Variants in CCDC175 observed in about 807,000 individuals in gnomAD.
CCDC175 encodes the protein coiled-coil domain containing 175.
Under a neutral mutation model 114.6 loss-of-function variants are expected in CCDC175, and 100 were observed. The ratio of observed to expected loss-of-function variants is 0.87; its 90% CI spans 0.74 to 1.03. CCDC175 has a LOEUF of 1.03. Ranked by LOEUF, CCDC175 falls within the 50% of genes least tolerant of loss-of-function variation. The pLI is 0.00. For synonymous variants in CCDC175, 306 were observed against 308.7 expected, an observed-to-expected ratio of 0.99 and a Z score of 0.09; for missense variants, 880 against 917.8, an observed-to-expected ratio of 0.96 and a Z score of 0.53.
chr14:59,552,302 C>A (rs1255469812), intron 7 of CCDC175, among the ~76,000 whole-genome samples: 1 of 152,248 alleles, frequency 6.6e-6, no homozygotes, highest in Non-Finnish European at 1.5e-5. Context: ...GCAACATTTG[C>A]TGTTCAGCAA....
intron 19 of CCDC175, among the ~76,000 whole-genome samples, chr14:59,506,971 T>C (rs1892453970): frequency 6.6e-6 from 1 of 152,102 alleles, no homozygotes; most frequent in South Asian, 2.1e-4. Flanking sequence ...TCAAGGACTT[T>C]TGTAATTTTA....
chr14:59,566,981 G>A (rs540029573), intron 4 of CCDC175, among the ~76,000 whole-genome samples: 45 of 152,234 alleles, frequency 3.0e-4, no homozygotes, highest in Non-Finnish European at 5.9e-4. Flanking sequence ...TATCCCCACC[G>A]CACTCCTCCC....
At chr14:59,534,907 A>G (rs889192144) in intron 13 of CCDC175, among the ~76,000 whole-genome samples, 18 of 152,162 alleles carry the variant, frequency 1.2e-4, no homozygotes, top group Non-Finnish European at 4.4e-5. Flanking sequence ...CAGAGACCCA[A>G]ATGGTAGTGG....
intron 13 of CCDC175, among the ~76,000 whole-genome samples, chr14:59,535,231 A>G (rs1221409108): frequency 6.6e-6 from 1 of 152,186 alleles, no homozygotes; most frequent in African/African-American, 2.4e-5. Flanking sequence ...ATGGGTGGAC[A>G]CAGTCCTGCA....
chr14:59,517,509 A>T (rs924885725), intron 17 of CCDC175, among the ~76,000 whole-genome samples: 5 of 152,226 alleles, frequency 3.3e-5, no homozygotes, highest in African/African-American at 9.6e-5. Flanking sequence ...AATCACAAGC[A>T]TTCTTATACA....
intron 19 of CCDC175, among the ~76,000 whole-genome samples, chr14:59,506,942 A>G (rs1594965772): frequency 7.5e-6 from 1 of 132,566 alleles, no homozygotes; most frequent in Non-Finnish European, 1.6e-5. Flanking sequence ...GTAACCTAAC[A>G]TAATATATGA....
intron 18 of CCDC175, 108 bp downstream of exon 18, chr14:59,511,652 G>A (rs1045196784): frequency 4.9e-5 from 42 of 851,374 alleles, no homozygotes; most frequent in Middle Eastern, 2.2e-4. Context: ...ACCCTGATGC[G>A]TGCATGCAGG....
intron 4 of CCDC175, 35 bp downstream of exon 4, chr14:59,568,210 C>G: frequency 6.6e-7 from 1 of 1,507,976 alleles, no homozygotes; most frequent in Non-Finnish European, 8.8e-7. Flanking sequence ...CCTCAGACCC[C>G]TGCTCCCTCA....
chr14:59,555,969 CACAA>C (rs1031857990), intron 7 of CCDC175, among the ~76,000 whole-genome samples: 149 of 152,172 alleles, frequency 9.8e-4, no homozygotes, highest in African/African-American at 3.4e-3. Flanking sequence ...TAAAAGAGGA[CACAA>C]ACAAATGGAA....
chr14:59,555,230 A>T (rs12895119), intron 7 of CCDC175, among the ~76,000 whole-genome samples: 20,955 of 151,908 alleles, frequency 0.14, 1,635 homozygotes, highest in South Asian at 0.25. Context: ...ATACTGGCAA[A>T]CCGAATCCAG....
Position 59,576,798 on chromosome 14 carries a change from T to A in CCDC175, c.-23A>T. 7.1e-7 allele frequency: 1 copy of A among 1,412,432 alleles called. No individual in the cohort carries two copies. The highest frequency in any genetic ancestry group is 9.2e-7 in the Non-Finnish European group (1 of 1,092,494). The allele number at this position is 1,412,432 out of a possible 1,614,324, so 87.5% of individuals were successfully genotyped here. ...CATTTTGCCGCTCTACTTGAGCGCC[T>A]CCTAAGCCAGAGCCAAGGATTGCCG... On this transcript the variant is annotated 5_prime_UTR_variant, in exon 1 of 20. Transcript: ENST00000537690.
intron 15 of CCDC175, 136 bp from the exon 16 acceptor site, chr14:59,525,570 C>T: frequency 1.8e-6 from 1 of 564,692 alleles, no homozygotes. Context: ...GATATTCTTC[C>T]TTAGAAAAAC....
At chr14:59,563,698 G>A in intron 6 of CCDC175, 39 bp downstream of exon 6, 5 of 1,246,604 alleles carry the variant, frequency 4.0e-6, no homozygotes, top group Non-Finnish European at 5.1e-6. Context: ...GAGGTGCCTA[G>A]ATAAGGCTTA....
At chr14:59,508,565 CAA>C (rs565175219) in intron 19 of CCDC175, among the ~76,000 whole-genome samples, 9 of 74,590 alleles carry the variant, frequency 1.2e-4, no homozygotes, top group South Asian at 1.4e-3. Flanking sequence ...GGCCCTGTCT[CAA>C]AAAAAAAAAA....
intron 17 of CCDC175, among the ~76,000 whole-genome samples, chr14:59,514,279 G>A (rs758702891): frequency 7.9e-5 from 12 of 152,208 alleles, no homozygotes; most frequent in Non-Finnish European, 1.3e-4. Flanking sequence ...CCAAAGGAAC[G>A]CAGCTCCTCA....
At chr14:59,509,030 A>T (rs529048932) in intron 19 of CCDC175, among the ~76,000 whole-genome samples, 2 of 152,322 alleles carry the variant, frequency 1.3e-5, no homozygotes, top group East Asian at 3.9e-4. Context: ...ACACACTGCC[A>T]GTCTCTACTT....
Position 59,574,941 on chromosome 14 carries a change from A to G in CCDC175, c.243+2T>C, listed in dbSNP as rs1279911767. The G allele has an allele frequency of 3.5e-6, 5 of 1,413,756 alleles. No individual in the cohort carries two copies. The Admixed American group carries it at 1.1e-4, about 32-fold the overall frequency. 87.6% of individuals were successfully genotyped at this position (1,413,756 alleles called of 1,614,324 possible). A position where few individuals can be genotyped will look rare whatever the true frequency, so the allele number is the denominator to read the frequency against. ...AAATGGTTCTTATAGATAATACAATACCAATTTCTTAACAGCTACAGCAAT... is the reference window on the plus strand; with the variant it reads ...AAATGGTTCTTATAGATAATACAATGCCAATTTCTTAACAGCTACAGCAAT... On this transcript the variant is annotated splice_donor_variant, in intron 2 of 19. Transcript: ENST00000537690. LOFTEE classifies it high-confidence loss of function.
chr14:59,546,075 T>C (rs1202135382), intron 8 of CCDC175, among the ~76,000 whole-genome samples: 7 of 152,136 alleles, frequency 4.6e-5, no homozygotes, highest in Non-Finnish European at 1.0e-4. Flanking sequence ...CAGGTGCCCA[T>C]GAACAGTGGA....
At chr14:59,511,662 G>A in intron 18 of CCDC175, 98 bp downstream of exon 18, 2 of 961,526 alleles carry the variant, frequency 2.1e-6, no homozygotes, top group Non-Finnish European at 3.2e-6. Context: ...GTGCATGCAG[G>A]TGCACACAGA....
Sources: gnomAD v4.1 joint callset for allele counts (sites outside exome capture counted in the v4.1 genomes callset) on GRCh38, gnomAD v4.1.1 for gene constraint, MANE v1.5 for transcripts, NCBI Gene and HGNC (gene_info 2026-07-23, HGNC 2026-07-21) for gene names.